HORMAD2: variants seen among roughly 807,000 people sequenced by gnomAD.
HORMAD2 encodes HORMA domain-containing protein 2.
In HORMAD2, 45 loss-of-function variants were observed where a neutral mutation model predicts 38.8. The ratio of observed to expected loss-of-function variants is 1.16; its 90% confidence interval spans 0.91 to 1.49. The LOEUF is 1.49. Among genes scored for constraint, HORMAD2 ranks in the 40% most tolerant of loss-of-function variants. The pLI, the probability that HORMAD2 is intolerant of heterozygous loss-of-function variation, is 0.00. For synonymous variants in HORMAD2, 126 were observed against 122.8 expected, an observed-to-expected ratio of 1.03 and a Z score of -0.17; for missense variants, 338 against 367.0, an observed-to-expected ratio of 0.92 and a Z score of 0.65.
intron 10 of HORMAD2, among the ~76,000 whole-genome samples, chr22:30,131,837 A>G (rs1388096740): frequency 6.6e-6 from 1 of 152,220 alleles, no homozygotes; most frequent in Non-Finnish European, 1.5e-5. Context: ...TCCACAAATT[A>G]TAACAATATG....
At position 30,176,248 on chromosome 22, in the gene HORMAD2, A is replaced by G; in HGVS notation, c.*81A>G. 1 of 971,748 alleles carries G rather than the reference A, an allele frequency of 1.0e-6. No homozygotes were observed. Among genetic ancestry groups the G allele is most frequent in the Non-Finnish European group, 1.5e-6 (1 of 657,084 alleles). 60.2% of individuals were successfully genotyped at this position (971,748 alleles called of 1,614,324 possible). A position where few individuals can be genotyped will look rare whatever the true frequency, so the allele number is the denominator to read the frequency against. On this transcript the variant is annotated 3_prime_UTR_variant, in exon 11 of 11. Transcript: ENST00000336726. ...GCATAAACTGTCTTAGCAGGAAAGTACATTCCTGTTACCAAAACCTTTTTC... is the reference window on the plus strand; with the variant it reads ...GCATAAACTGTCTTAGCAGGAAAGTGCATTCCTGTTACCAAAACCTTTTTC...
At chr22:30,129,752 C>T (rs1601551825) in intron 10 of HORMAD2, among the ~76,000 whole-genome samples, 1 of 152,096 alleles carries the variant, frequency 6.6e-6, no homozygotes, top group East Asian at 1.9e-4. Flanking sequence ...TCAAGCAATC[C>T]TCCCACTTCA....
chr22:30,176,134 AC>A lies in HORMAD2; in HGVS notation c.893del (p.Pro298GlnfsTer2), dbSNP rs764366432. 7 of 1,612,310 alleles carry A rather than the reference AC, an allele frequency of 4.3e-6. No individual in the cohort carries two copies. Among genetic ancestry groups the A allele is most frequent in the Non-Finnish European group, 5.1e-6 (6 of 1,178,570 alleles). ...CSRKKRKVSE[P>X]VKVFIPNRK Reference sequence around the variant, plus strand: ...CCAGGAAGAAGAGGAAGGTCAGTGAACCAGTGAAGGTCTTCATCCCTAACAG... The same window carrying A: ...CCAGGAAGAAGAGGAAGGTCAGTGAACAGTGAAGGTCTTCATCCCTAACAG... On this transcript the variant is annotated frameshift_variant, in exon 11 of 11. Coordinates refer to ENST00000336726, the MANE Select transcript of HORMAD2 (RefSeq NM_152510.4). LOFTEE classifies it high-confidence loss of function.
At chr22:30,082,795 C>CAAAAA (rs200117496) in intron 1 of HORMAD2, among the ~76,000 whole-genome samples, 1 of 86,294 alleles carries the variant, frequency 1.2e-5, no homozygotes, top group Non-Finnish European at 2.5e-5. Context: ...TACTCTGTCT[C>CAAAAA]AAAAAAAAAA....
chr22:30,104,526 T>G, intron 5 of HORMAD2, 89 bp downstream of exon 5: 1 of 1,133,266 alleles, frequency 8.8e-7, no homozygotes, highest in East Asian at 2.4e-5. Context: ...TGTTTTTGTG[T>G]TTAACAGTAT....
intron 10 of HORMAD2, among the ~76,000 whole-genome samples, chr22:30,155,127 G>A (rs914568828): frequency 1.3e-5 from 2 of 151,474 alleles, no homozygotes; most frequent in African/African-American, 2.4e-5. Context: ...CAGAATTGGT[G>A]CTGAGTAATC....
At position 30,102,561 on chromosome 22, in the gene HORMAD2, G is replaced by T. The variant is rs5763774; in HGVS notation, c.194-876G>T. Among the ~76,000 whole-genome samples, 8 of 152,200 alleles carry T rather than the reference G, an allele frequency of 5.3e-5. No homozygotes were observed. In the East Asian group the frequency reaches 1.5e-3, roughly 29 times the overall value. On this transcript the variant is annotated intron_variant, in intron 3 of 10. Coordinates refer to ENST00000336726, the MANE Select transcript of HORMAD2 (RefSeq NM_152510.4). The stretch of plus-strand genomic sequence containing the variant: ...TAGTATAGGAAAACAATACGAAAAG[G>T]TGAAGTTGCTTATGCAAAATCACAC...
chr22:30,161,895 CT>C (rs1311934503), intron 10 of HORMAD2, among the ~76,000 whole-genome samples: 1 of 152,116 alleles, frequency 6.6e-6, no homozygotes, highest in Non-Finnish European at 1.5e-5. Flanking sequence ...AATAAACACA[CT>C]GATATGAAAC....
intron 10 of HORMAD2, among the ~76,000 whole-genome samples, chr22:30,169,896 C>T (rs938693106): frequency 6.6e-6 from 1 of 152,186 alleles, no homozygotes; most frequent in Non-Finnish European, 1.5e-5. Context: ...AAGCTTACAG[C>T]TCCACTGGTG....
intron 2 of HORMAD2, among the ~76,000 whole-genome samples, chr22:30,097,253 C>G (rs1221338413): frequency 6.6e-6 from 1 of 152,166 alleles, no homozygotes. Flanking sequence ...ACCGGCACAA[C>G]CCATCCATCA....
chr22:30,174,806 A>G (rs759258460), intron 10 of HORMAD2, among the ~76,000 whole-genome samples: 57 of 152,110 alleles, frequency 3.7e-4, no homozygotes, highest in Non-Finnish European at 6.9e-4. Flanking sequence ...CTAGATAACA[A>G]CTTGGTTTTT....
intron 10 of HORMAD2, among the ~76,000 whole-genome samples, chr22:30,159,367 G>A (rs1208237036): frequency 6.6e-6 from 1 of 152,086 alleles, no homozygotes; most frequent in Non-Finnish European, 1.5e-5. Flanking sequence ...TGGAAAATAT[G>A]TATATTATGT....
intron 10 of HORMAD2, among the ~76,000 whole-genome samples, chr22:30,157,944 C>T (rs1447225825): frequency 1.3e-5 from 2 of 152,116 alleles, no homozygotes; most frequent in African/African-American, 2.4e-5. Context: ...GAATTATTAA[C>T]ATGTACCAGA....
At chr22:30,085,164 C>T (rs2068549413) in intron 1 of HORMAD2, among the ~76,000 whole-genome samples, 1 of 151,154 alleles carries the variant, frequency 6.6e-6, no homozygotes, top group African/African-American at 2.4e-5. Flanking sequence ...AAAAAATGAG[C>T]TAAACAAGAC....
At chr22:30,120,314 A>G (rs1922343090) in intron 8 of HORMAD2, among the ~76,000 whole-genome samples, 1 of 152,214 alleles carries the variant, frequency 6.6e-6, no homozygotes, top group African/African-American at 2.4e-5. Flanking sequence ...CTACATTTGA[A>G]TTGGTTAAAT....
intron 10 of HORMAD2, among the ~76,000 whole-genome samples, chr22:30,174,251 T>C (rs1442014099): frequency 6.6e-6 from 1 of 152,318 alleles, no homozygotes; most frequent in East Asian, 1.9e-4. Flanking sequence ...AACCAGATAA[T>C]CTTTCTAGCC....
At position 30,122,198 on chromosome 22, in the gene HORMAD2, AAG is replaced by A. The variant is rs770193283; in HGVS notation, c.805_806del (p.Glu269MetfsTer3). The A allele has an allele frequency of 1.2e-6, 2 of 1,612,076 alleles. No homozygotes were observed. The highest frequency in any genetic ancestry group is 4.5e-5 in the East Asian group (2 of 44,840). ...CAGGGTCTAGACTGTGATGAGGAAG[AAG>A]AATGCAATGACCATGTAAGGCAAAG... On this transcript the variant is annotated frameshift_variant, in exon 10 of 11. Transcript: ENST00000336726. LOFTEE classifies it high-confidence loss of function.
At chr22:30,136,357 T>C (rs552753685) in intron 10 of HORMAD2, among the ~76,000 whole-genome samples, 15 of 152,190 alleles carry the variant, frequency 9.9e-5, no homozygotes, top group Non-Finnish European at 1.9e-4. Context: ...CTTAATGGTT[T>C]TTAGTTATAG....
intron 10 of HORMAD2, among the ~76,000 whole-genome samples, chr22:30,140,224 A>T (rs2146177546): frequency 6.6e-6 from 1 of 152,318 alleles, no homozygotes; most frequent in East Asian, 1.9e-4. Context: ...AGATAGCGCC[A>T]GTGCACTCCA....
Sources: gnomAD v4.1 joint callset for allele counts (sites outside exome capture counted in the v4.1 genomes callset) on GRCh38, gnomAD v4.1.1 for gene constraint, MANE v1.5 for transcripts, NCBI Gene and HGNC (gene_info 2026-07-23, HGNC 2026-07-21) for gene names.